HAT1: variants seen among roughly 807,000 people sequenced by gnomAD.
The protein encoded by HAT1 is histone acetyltransferase type B catalytic subunit.
HAT1 carries 20 observed loss-of-function variants against 56.6 expected under a neutral mutation model. The ratio of observed to expected loss-of-function variants is 0.35; its 90% CI spans 0.25 to 0.51. The LOEUF (loss-of-function observed/expected upper bound fraction) is 0.51, where lower values mean the gene tolerates loss of function less well. HAT1 is among the 20% of genes least tolerant of loss of function. The probability of loss-of-function intolerance (pLI) is 0.95; values close to 1 mark genes in which losing one functional copy is unlikely to be tolerated. For missense variants in HAT1, 408 were observed against 504.3 expected (o/e 0.81, Z 1.83); for synonymous variants, 146 against 165.5 (o/e 0.88, Z 0.91).
At chr2:171,952,289 G>T (rs1048729628) in intron 3 of HAT1, among the ~76,000 whole-genome samples, 2 of 152,126 alleles carry the variant, frequency 1.3e-5, no homozygotes, top group Admixed American at 6.5e-5. Context: ...TCACTTTTTA[G>T]AAGACTCTTT....
At chr2:171,962,834 A>G (rs1267524757) in intron 4 of HAT1, among the ~76,000 whole-genome samples, 1 of 152,182 alleles carries the variant, frequency 6.6e-6, no homozygotes, top group Non-Finnish European at 1.5e-5. Context: ...TTTTTCAGTG[A>G]TCTTCAGAAA....
At position 171,970,496 on chromosome 2, in the gene HAT1, C is replaced by CTTTTTTTTTTTTTTTTTT. The variant is rs61462189; in HGVS notation, c.823+3571_823+3588dup. On this transcript the variant is annotated intron_variant, in intron 8 of 10. Transcript: ENST00000264108. ...TAAATCAGTATTAGCAATGCAGTTT[C>CTTTTTTTTTTTTTTTTTT]TTTTTTTTTTTTTTTTTTTTTTTTT... Among the ~76,000 whole-genome samples the CTTTTTTTTTTTTTTTTTT allele has an allele frequency of 5.3e-5, 4 of 74,988 alleles. 1 individual carries two copies. The highest frequency in any genetic ancestry group is 1.4e-4 in the African/African-American group (2 of 14,796). 49.2% of individuals were successfully genotyped at this position (74,988 alleles called of 152,430 possible).
rs77469104 is a variant in HAT1 at position 171,952,535 on chromosome 2, T to G, written c.189-346T>G. Among the ~76,000 whole-genome samples, 71 of 152,360 alleles carry G rather than the reference T, an allele frequency of 4.7e-4. No individual in the cohort carries two copies. In the East Asian group the frequency reaches 0.012, roughly 26 times the overall value. On this transcript the variant is annotated intron_variant, in intron 3 of 10. Transcript: ENST00000264108. ...AGGTCCTAATTTAACACTACTTCTC[T>G]CATTTGAAATGCCTTCTAATACTGG... is the stretch of plus-strand genomic sequence containing the variant.
At chr2:171,956,022 G>C (rs1237243689) in intron 4 of HAT1, among the ~76,000 whole-genome samples, 1 of 151,986 alleles carries the variant, frequency 6.6e-6, no homozygotes, top group Non-Finnish European at 1.5e-5. Flanking sequence ...TCCAGCCTGG[G>C]CAACAGAGCG....
intron 10 of HAT1, 126 bp downstream of exon 10, chr2:171,979,489 A>G (rs755181553): frequency 1.3e-5 from 8 of 612,292 alleles, no homozygotes; most frequent in Middle Eastern, 4.3e-4. Context: ...CAAAAGTAGA[A>G]ATATTCTTCC....
intron 2 of HAT1, among the ~76,000 whole-genome samples, chr2:171,927,619 C>T (rs1318519096): frequency 6.6e-6 from 1 of 152,166 alleles, no homozygotes; most frequent in African/African-American, 2.4e-5. Flanking sequence ...GACAGAGTCT[C>T]ACTCAGTCGC....
chr2:171,930,830 G>A (rs1402884918), intron 2 of HAT1, among the ~76,000 whole-genome samples: 5 of 151,710 alleles, frequency 3.3e-5, no homozygotes, highest in Admixed American at 1.3e-4. Context: ...GCCCATGCTG[G>A]TCTTGAACTC....
chr2:171,953,216 T>C (rs1312320153), intron 4 of HAT1, among the ~76,000 whole-genome samples: 1 of 151,508 alleles, frequency 6.6e-6, no homozygotes, highest in South Asian at 2.1e-4. Context: ...CGTGGTGGCA[T>C]GTGTCTGTAA....
At chr2:171,974,077 G>A (rs1318495201) in intron 8 of HAT1, among the ~76,000 whole-genome samples, 1 of 150,710 alleles carries the variant, frequency 6.6e-6, no homozygotes, top group African/African-American at 2.4e-5. Flanking sequence ...TACTCAGGAG[G>A]CTGAGGTGGG....
At chr2:171,977,276 A>T (rs1288470361) in intron 9 of HAT1, among the ~76,000 whole-genome samples, 1 of 151,554 alleles carries the variant, frequency 6.6e-6, no homozygotes, top group Non-Finnish European at 1.5e-5. Flanking sequence ...AGCCTGTCCA[A>T]TATGGTGAAA....
chr2:171,982,869 C>G (rs1688166734), intron 10 of HAT1, among the ~76,000 whole-genome samples: 1 of 152,076 alleles, frequency 6.6e-6, no homozygotes, highest in South Asian at 2.1e-4. Flanking sequence ...ATCTATTAAG[C>G]AAATATTTGA....
chr2:171,932,651 T>G (rs1464559439), intron 2 of HAT1, among the ~76,000 whole-genome samples: 1 of 152,156 alleles, frequency 6.6e-6, no homozygotes, highest in Non-Finnish European at 1.5e-5. Context: ...AAGGATCGCT[T>G]GAGCCCAAGA....
In HAT1 at chr2:171,944,143, CAA is replaced by C. The variant is rs36067235; in HGVS notation, c.113-2551_113-2550del. 3.8e-3 allele frequency among the ~76,000 whole-genome samples: 524 copies of C among 138,022 alleles called. 1 individual carries two copies. The highest frequency in any genetic ancestry group is 5.7e-3 in the African/African-American group (206 of 36,296). The allele number at this position is 138,022 out of a possible 152,430, so 90.5% of individuals were successfully genotyped here. A position where few individuals can be genotyped will look rare whatever the true frequency, so the allele number is the denominator to read the frequency against. On this transcript the variant is annotated intron_variant, in intron 2 of 10. Transcript: ENST00000264108. ...CCTGGGTGACAATGAAACCCTGTCT[CAA>C]AAAAAAAAAAAAATACTTAAACAAG... is the stretch of plus-strand genomic sequence containing the variant.
intron 2 of HAT1, among the ~76,000 whole-genome samples, chr2:171,941,605 G>T (rs1687020713): frequency 6.6e-6 from 1 of 152,192 alleles, no homozygotes; most frequent in Non-Finnish European, 1.5e-5. Flanking sequence ...CGTCAACCTA[G>T]ATCCCTTGCA....
Position 171,970,784 on chromosome 2 carries a change from C to T in HAT1, c.823+3835C>T, listed in dbSNP as rs148800555. Among the ~76,000 whole-genome samples the T allele has an allele frequency of 0.033, 4,930 of 149,946 alleles. 751 individuals are homozygous for T. The East Asian group carries it at 0.53, about 16-fold the overall frequency. ...CCTCCGGCCTCGGCCTCCCCAAGTG[C>T]TGGGATTACAGGCGTGAGCCACCAC... is the stretch of plus-strand genomic sequence containing the variant. On this transcript the variant is annotated intron_variant, in intron 8 of 10. Transcript: ENST00000264108.
In HAT1 at chr2:171,969,666, T is replaced by G. The variant is rs150029414; in HGVS notation, c.823+2717T>G. 2.0e-5 allele frequency among the ~76,000 whole-genome samples: 3 copies of G among 152,314 alleles called. No homozygotes were observed. The East Asian group carries it at 5.8e-4, about 29-fold the overall frequency. On this transcript the variant is annotated intron_variant, in intron 8 of 10. Coordinates refer to ENST00000264108, the MANE Select transcript of HAT1 (RefSeq NM_003642.4). ...GCTTAAAGATTGAGTGGTGACTTGG[T>G]TCCTTATATTAAGCTGCAAACAAAG...
chr2:171,941,116 A>G (rs1157677090), intron 2 of HAT1, among the ~76,000 whole-genome samples: 1 of 152,232 alleles, frequency 6.6e-6, no homozygotes, highest in African/African-American at 2.4e-5. Flanking sequence ...CAATGGAACT[A>G]CATGAACTCA....
chr2:171,942,694 A>C (rs1687046480), intron 2 of HAT1, among the ~76,000 whole-genome samples: 1 of 152,194 alleles, frequency 6.6e-6, no homozygotes. Flanking sequence ...TTCTCAAGTA[A>C]CATATATATA....
At position 171,979,668 on chromosome 2, in the gene HAT1, C is replaced by T. The variant is rs568355721; in HGVS notation, c.1092+305C>T. On this transcript the variant is annotated intron_variant, in intron 10 of 10. Transcript: ENST00000264108. The stretch of plus-strand genomic sequence containing the variant: ...ACTAAAAATACAAACATTAGCTAGG[C>T]TTGGTGGTGGGCGCCTGTAATACAG... The T allele has an allele frequency of 2.4e-4, 49 of 208,226 alleles. No individual in the cohort carries two copies. In the South Asian group the frequency reaches 3.5e-3, roughly 15 times the overall value. The allele number at this position is 208,226 out of a possible 1,614,324, so 12.9% of individuals were successfully genotyped here. A position where few individuals can be genotyped will look rare whatever the true frequency, so the allele number is the denominator to read the frequency against.
Sources: gnomAD v4.1 joint callset for allele counts (sites outside exome capture counted in the v4.1 genomes callset) on GRCh38, gnomAD v4.1.1 for gene constraint, MANE v1.5 for transcripts, NCBI Gene and HGNC (gene_info 2026-07-23, HGNC 2026-07-21) for gene names.